Variants in SEC61G observed in about 807,000 individuals in gnomAD.
SEC61G encodes SEC61 translocon subunit gamma.
Under a neutral mutation model 7.5 loss-of-function variants are expected in SEC61G, and 4 were observed. The observed-to-expected ratio is 0.54, with a 90% CI of 0.26 to 1.22. The LOEUF is 1.22. Ranked by LOEUF, SEC61G falls within the 50% of genes most tolerant of loss-of-function variation. The probability of loss-of-function intolerance (pLI) is 0.12; values close to 1 mark genes in which losing one functional copy is unlikely to be tolerated. For synonymous variants in SEC61G, 24 were observed against 24.4 expected (o/e 0.98, Z 0.05); for missense variants, 53 against 84.6 (o/e 0.63, Z 1.46).
intron 3 of SEC61G, among the ~76,000 whole-genome samples, chr7:54,754,551 T>A (rs1791471471): frequency 6.6e-6 from 1 of 152,194 alleles, no homozygotes; most frequent in African/African-American, 2.4e-5. Flanking sequence ...CTATTTATGA[T>A]CCTGAATATC....
chr7:54,752,549 C>A, intron 3 of SEC61G, 129 bp from the exon 4 acceptor site: 1 of 518,636 alleles, frequency 1.9e-6, no homozygotes, highest in South Asian at 4.0e-5. Context: ...CTAACTTCAT[C>A]TAAAGATGGC....
chr7:54,753,023 C>T (rs1012189265), intron 3 of SEC61G, among the ~76,000 whole-genome samples: 2 of 151,780 alleles, frequency 1.3e-5, no homozygotes, highest in Non-Finnish European at 1.5e-5. Flanking sequence ...GGCATGGTGG[C>T]TCTCACCTGT....
intron 1 of SEC61G, among the ~76,000 whole-genome samples, chr7:54,758,047 C>T (rs1791555737): frequency 6.6e-6 from 1 of 152,204 alleles, no homozygotes; most frequent in Admixed American, 6.5e-5. Flanking sequence ...AAGCCAGTGT[C>T]TTGTACAGTG....
At chr7:54,754,322 C>G (rs888048368) in intron 3 of SEC61G, among the ~76,000 whole-genome samples, 3 of 152,194 alleles carry the variant, frequency 2.0e-5, no homozygotes, top group Non-Finnish European at 2.9e-5. Context: ...AAATCTGTCT[C>G]ATGACAGAAT....
In SEC61G at chr7:54,756,312, G is replaced by C. The variant is rs140054915; in HGVS notation, c.95-431C>G. ...TACCTTTTTTGGGTACATTATAAACGATGGGTCCGGTGCCTTTGCTATTAT... is the reference window on the plus strand; with the variant it reads ...TACCTTTTTTGGGTACATTATAAACCATGGGTCCGGTGCCTTTGCTATTAT... On this transcript the variant is annotated intron_variant, in intron 2 of 3. Transcript: ENST00000352861. Among the ~76,000 whole-genome samples the C allele has an allele frequency of 2.0e-5, 3 of 152,074 alleles. No homozygotes were observed. The East Asian group carries it at 5.8e-4, about 29-fold the overall frequency.
intron 3 of SEC61G, among the ~76,000 whole-genome samples, chr7:54,753,967 A>G (rs1232834546): frequency 6.6e-6 from 1 of 152,232 alleles, no homozygotes; most frequent in Non-Finnish European, 1.5e-5. Context: ...TTAATTCAAC[A>G]AACACTTATT....
chr7:54,757,000 C>T (rs917066771), intron 2 of SEC61G, among the ~76,000 whole-genome samples: 1 of 147,648 alleles, frequency 6.8e-6, no homozygotes, highest in African/African-American at 2.5e-5. Context: ...ATATTATATA[C>T]TATATACTAT....
Position 54,755,833 on chromosome 7 carries a change from C to G in SEC61G, c.143G>C (p.Gly48Ala). 6.3e-7 allele frequency: 1 copy of G among 1,593,032 alleles called. No individual in the cohort carries two copies. ...MATAIGFAIM[G>A]FIGFFVKLIH... is the part of the protein sequence containing the mutation. ...CAATTTCACAAAGAAGCCAATGAATCCCATTATAGCAAATCCTATTGCTGT... is the reference window on the plus strand; with the variant it reads ...CAATTTCACAAAGAAGCCAATGAATGCCATTATAGCAAATCCTATTGCTGT... Residue 48 changes from glycine (G) to alanine (A), a missense_variant, in exon 3 of 4, where the codon GGA becomes GCA. Physicochemically the swap from Gly to Ala is moderately conservative, Grantham distance 60. Transcript: ENST00000352861.
intron 3 of SEC61G, among the ~76,000 whole-genome samples, chr7:54,752,809 G>A (rs1180957200): frequency 6.6e-6 from 1 of 152,200 alleles, no homozygotes; most frequent in Non-Finnish European, 1.5e-5. Context: ...CTGCAGATGA[G>A]CACAAGGTAC....
intron 2 of SEC61G, among the ~76,000 whole-genome samples, chr7:54,756,967 A>G (rs534056401): frequency 6.8e-6 from 1 of 147,150 alleles, no homozygotes; most frequent in Non-Finnish European, 1.5e-5. Flanking sequence ...ACTATATACT[A>G]TATATACTAT....
chr7:54,756,439 C>G (rs929859816), intron 2 of SEC61G, among the ~76,000 whole-genome samples: 14 of 152,166 alleles, frequency 9.2e-5, no homozygotes, highest in African/African-American at 3.4e-4. Context: ...GCAGATCACC[C>G]GAGGTCAGGA....
chr7:54,758,684 C>A (rs925727995), intron 1 of SEC61G, among the ~76,000 whole-genome samples: 2 of 152,206 alleles, frequency 1.3e-5, no homozygotes, highest in Admixed American at 1.3e-4. Flanking sequence ...CAATACCGCA[C>A]TCAATGTCAG....
At chr7:54,757,686 T>C (rs1791547655) in intron 1 of SEC61G, 92 bp from the exon 2 acceptor site, 1 of 947,660 alleles carries the variant, frequency 1.1e-6, no homozygotes, top group South Asian at 1.5e-5. Context: ...GACCAGCCAC[T>C]GAATTCACGT....
chr7:54,757,678 C>G (rs533948380), intron 1 of SEC61G, 84 bp from the exon 2 acceptor site: 2 of 1,067,606 alleles, frequency 1.9e-6, no homozygotes, highest in East Asian at 2.4e-5. Flanking sequence ...GTAAATGAGA[C>G]CAGCCACTGA....
intron 1 of SEC61G, among the ~76,000 whole-genome samples, chr7:54,757,849 C>A (rs1273733618): frequency 6.6e-6 from 1 of 152,172 alleles, no homozygotes; most frequent in East Asian, 1.9e-4. Flanking sequence ...AAGAACAGCA[C>A]ACGCAATATA....
intron 2 of SEC61G, among the ~76,000 whole-genome samples, chr7:54,756,304 T>G (rs1562769494): frequency 6.6e-6 from 1 of 152,186 alleles, no homozygotes; most frequent in Non-Finnish European, 1.5e-5. Context: ...TTTGGGTACA[T>G]TATAAACGAT....
chr7:54,756,256 TCATAA>T (rs144464145), intron 2 of SEC61G, among the ~76,000 whole-genome samples: 7,960 of 152,288 alleles, frequency 0.052, 541 homozygotes, highest in African/African-American at 0.16. Context: ...GTAATTTTTA[TCATAA>T]CATATCAATT....
At chr7:54,754,576 C>A (rs1791471814) in intron 3 of SEC61G, among the ~76,000 whole-genome samples, 1 of 152,202 alleles carries the variant, frequency 6.6e-6, no homozygotes, top group East Asian at 1.9e-4. Flanking sequence ...TGTGGCACTT[C>A]TGCCTTAATA....
chr7:54,756,290 C>CTTT (rs1385918894), intron 2 of SEC61G, among the ~76,000 whole-genome samples: 1 of 152,084 alleles, frequency 6.6e-6, no homozygotes, highest in Non-Finnish European at 1.5e-5. Flanking sequence ...AGAAACATAC[C>CTTT]TTTTTTGGGT....
Sources: gnomAD v4.1 joint callset for allele counts (sites outside exome capture counted in the v4.1 genomes callset) on GRCh38, gnomAD v4.1.1 for gene constraint, MANE v1.5 for transcripts, NCBI Gene and HGNC (gene_info 2026-07-23, HGNC 2026-07-21) for gene names.